CELSR2: variants seen among roughly 807,000 people sequenced by gnomAD.
CELSR2 encodes EGF-like protein 2.
CELSR2 carries 81 observed loss-of-function variants against 251.6 expected under a neutral mutation model. The ratio of observed to expected loss-of-function variants is 0.32; its 90% CI spans 0.27 to 0.39. CELSR2 has a LOEUF of 0.39. Among genes scored for constraint, CELSR2 ranks in the 10% least tolerant of loss-of-function variants. The pLI is 1.00. For synonymous variants in CELSR2, 1,721 were observed against 1,670.5 expected, an observed-to-expected ratio of 1.03 and a Z score of -0.74; for missense variants, 3,365 against 3,947.7, an observed-to-expected ratio of 0.85 and a Z score of 3.96.
At chr1:109,259,198 A>T in intron 2 of CELSR2, 119 bp downstream of exon 2, 1 of 909,160 alleles carries the variant, frequency 1.1e-6, no homozygotes, top group Non-Finnish European at 1.6e-6. Flanking sequence ...GTGCAGCTAC[A>T]CTGAGAGGTC....
chr1:109,267,908 GC>G lies in CELSR2; in HGVS notation c.6169del (p.Leu2057CysfsTer70). On this transcript the variant is annotated frameshift_variant, in exon 17 of 34. Coordinates refer to ENST00000271332, the MANE Select transcript of CELSR2 (RefSeq NM_001408.3). LOFTEE classifies it high-confidence loss of function. ...AGACTCAGGGCGCTCCCAGCAGCTA[GC>G]CCTGCTCCTGCGCAACGCCACGCAG... The part of the protein sequence containing the change: ...GLDSGRSQQL[A>X]LLLRNATQHT... The G allele has an allele frequency of 6.2e-7, 1 of 1,611,058 alleles. No individual in the cohort carries two copies. The highest frequency in any genetic ancestry group is 8.5e-7 in the Non-Finnish European group (1 of 1,179,606).
At chr1:109,270,695 C>A in intron 24 of CELSR2, 95 bp downstream of exon 24, 1 of 1,460,078 alleles carries the variant, frequency 6.8e-7, no homozygotes. Context: ...TGAGGCCCCA[C>A]ATCCCCATGC....
intron 2 of CELSR2, 94 bp downstream of exon 2, chr1:109,259,173 C>A (rs1274963474): frequency 5.3e-6 from 6 of 1,139,862 alleles, no homozygotes; most frequent in Non-Finnish European, 7.3e-6. Context: ...CTGCCTCATT[C>A]TCTTCCCGAG....
At position 109,271,700 on chromosome 1, in the gene CELSR2, C is replaced by T; in HGVS notation, c.7904C>T (p.Thr2635Ile). The change falls in exon 28 of 34, where the codon ACC becomes ATC. Residue 2635 changes from threonine to isoleucine, a missense_variant. Physicochemically the swap from Thr to Ile is moderately conservative, Grantham distance 89 (BLOSUM62 -1). Transcript: ENST00000271332. Reference sequence around the variant, plus strand: ...AAGCCCAGCCCTGACCCTGCTCTGACCACCAAGTCCACCCTGACCTCGGTG... The same window carrying T: ...AAGCCCAGCCCTGACCCTGCTCTGATCACCAAGTCCACCCTGACCTCGGTG... Reference protein sequence around the residue: ...SRKPSPDPALTTKSTLTSSYN... With the variant: ...SRKPSPDPALITKSTLTSSYN... The T allele has an allele frequency of 1.2e-6, 2 of 1,613,970 alleles. No individual in the cohort carries two copies. The highest frequency in any genetic ancestry group is 1.7e-6 in the Non-Finnish European group (2 of 1,180,030).
At position 109,252,911 on chromosome 1, in the gene CELSR2, A is replaced by G; in HGVS notation, c.2832A>G (p.Thr944=). The G allele has an allele frequency of 6.2e-7, 1 of 1,612,688 alleles. No individual in the cohort carries two copies. The highest frequency in any genetic ancestry group is 8.5e-7 in the Non-Finnish European group (1 of 1,179,214). The change falls in exon 1 of 34, where the codon ACA becomes ACG. Residue 944 remains threonine, a synonymous_variant. Transcript: ENST00000271332. This position sits in a 1 kb window ranked among gnomAD's most constrained non-coding sequence, Gnocchi z 4.8. ...SPIGLAVARV[T]ATDPDEGTNA... ...TTGGGCTAGCCGTGGCCCGGGTCAC[A>G]GCCACTGACCCCGATGAAGGCACCA...
chr1:109,271,312 G>A lies in CELSR2; in HGVS notation c.7676+16G>A, dbSNP rs1430254670. ...AAGGTCCTGTGTGAGTATAGGGTTGGGGTGCCTGGGCCATGGGCAGGCACC... is the reference window on the plus strand; with the variant it reads ...AAGGTCCTGTGTGAGTATAGGGTTGAGGTGCCTGGGCCATGGGCAGGCACC... On this transcript the variant is annotated intron_variant, in intron 26 of 33. Coordinates refer to ENST00000271332, the MANE Select transcript of CELSR2 (RefSeq NM_001408.3). 3 of 1,613,718 alleles carry A rather than the reference G, an allele frequency of 1.9e-6. No individual in the cohort carries two copies. The highest frequency in any genetic ancestry group is 2.5e-6 in the Non-Finnish European group (3 of 1,179,978).
Position 109,273,234 on chromosome 1 carries a change from G to T in CELSR2, c.8407G>T (p.Gly2803Cys), listed in dbSNP as rs753139273. The change falls in exon 32 of 34, where the codon GGC becomes TGC. Residue 2803 changes from glycine (G) to cysteine (C), a missense_variant. By Grantham distance (159) the Gly-to-Cys change is radical. This residue lies in a region of CELSR2 where 2,093 missense variants were observed against 2,382.8 expected (regional missense o/e 0.88). Transcript: ENST00000271332. The part of the protein sequence containing the change: ...DFGTTAKESS[G>C]NGAPEERLRE... ...TGGGACCACAGCAAAAGAGAGTAGT[G>T]GCAACGGGGCCCCTGAGGAGCGGCT... The T allele has an allele frequency of 6.8e-6, 11 of 1,613,308 alleles. No homozygotes were observed. Among genetic ancestry groups the T allele is most frequent in the Middle Eastern group, 1.6e-4 (1 of 6,084 alleles).
chr1:109,250,227 G>C lies in CELSR2; in HGVS notation c.148G>C (p.Ala50Pro). 6.2e-7 allele frequency: 1 copy of C among 1,604,316 alleles called. No individual in the cohort carries two copies. The highest frequency in any genetic ancestry group is 8.5e-7 in the Non-Finnish European group (1 of 1,175,850). The change falls in exon 1 of 34, where the codon GCC (alanine) becomes CCC (proline). Residue 50 changes from alanine (A) to proline (P), a missense_variant. Ala to Pro is a conservative substitution (Grantham distance 27, BLOSUM62 -1). Transcript: ENST00000271332. The surrounding 1 kb of genome is among the most constrained non-coding windows in gnomAD (Gnocchi z 4.4). ...LGSRGRGSSG[A>P]CAPMGWLCPS... ...GTCCAGGGGACGAGGCTCTTCGGGG[G>C]CCTGCGCCCCCATGGGCTGGCTCTG...
In CELSR2 at chr1:109,262,278, T is replaced by C; in HGVS notation, c.4387-9T>C. On this transcript the variant is annotated splice_polypyrimidine_tract_variant and intron_variant, in intron 5 of 33. Transcript: ENST00000271332. The stretch of plus-strand genomic sequence containing the variant: ...AGTGTCCCCCTTCTCTGCTCTTTCC[T>C]GTCCACAGCCACTGTTGGGTCAGAC... 6.2e-7 allele frequency: 1 copy of C among 1,613,328 alleles called. No individual in the cohort carries two copies.
chr1:109,269,989 G>A lies in CELSR2; in HGVS notation c.7164G>A (p.Leu2388=). The stretch of plus-strand genomic sequence containing the variant: ...CATACGTGGCTCTAGGTGTCACCTT[G>A]GCTGCCCTTCTGCTCACCTTCTTCT... The part of the protein sequence containing the change: ...TLTYVALGVT[L]AALLLTFFFL... Residue 2388 remains leucine, a synonymous_variant, in exon 23 of 34, where the codon TTG becomes TTA. Coordinates refer to ENST00000271332, the MANE Select transcript of CELSR2 (RefSeq NM_001408.3). This position sits in a 1 kb window ranked among gnomAD's most constrained non-coding sequence, Gnocchi z 6.4. The A allele has an allele frequency of 6.2e-7, 1 of 1,614,088 alleles. No individual in the cohort carries two copies.
At chr1:109,266,559 A>ATTTTTTTTTTTTTTTTTTT (rs35994599) in intron 15 of CELSR2, 10 of 83,670 alleles carry the variant, frequency 1.2e-4, no homozygotes, top group African/African-American at 3.4e-4. Flanking sequence ...CACCTGGCTA[A>ATTTTTTTTTTTTTTTTTTT]TTTTTTTTTT....
rs748528905 is a variant in CELSR2 at position 109,262,845 on chromosome 1, G to A, written c.4584G>A (p.Val1528=). 6.8e-6 allele frequency: 11 copies of A among 1,613,672 alleles called. No homozygotes were observed. In the Admixed American group the frequency reaches 1.7e-4, roughly 24 times the overall value. The change falls in exon 7 of 34, where the codon GTG becomes GTA. Residue 1528 remains valine, a synonymous_variant. Transcript: ENST00000271332. ...CGGGGCCCCTGCTACTAGGCGGGGT[G>A]CCTGACCTGCCCGAGAGCTTCCCAG... ...DLTGPLLLGG[V]PDLPESFPVR... is the part of the protein sequence containing the mutation.
intron 24 of CELSR2, 59 bp from the exon 25 acceptor site, chr1:109,270,868 C>A: frequency 7.8e-7 from 1 of 1,282,548 alleles, no homozygotes; most frequent in Non-Finnish European, 1.1e-6. Context: ...CTGCCCGCAG[C>A]CCTACTTCCC....
rs139990194 is a variant in CELSR2, at chr1:109,251,595, G to A, written c.1516G>A (p.Val506Ile). ...TATCAACGACAATGCCCCCATCTTC[G>A]TCAGCACCCCTTTCCAGGCTACTGT... ...LDINDNAPIFVSTPFQATVLE... is the reference protein window; with the variant it reads ...LDINDNAPIFISTPFQATVLE... The change falls in exon 1 of 34, where the codon GTC becomes ATC. Residue 506 changes from valine (V) to isoleucine (I), a missense_variant. Val to Ile is a conservative substitution (Grantham distance 29). This residue lies in a region of CELSR2 where 704 missense variants were observed against 784.1 expected (regional missense o/e 0.90). Coordinates refer to ENST00000271332, the MANE Select transcript of CELSR2 (RefSeq NM_001408.3). This position sits in a 1 kb window ranked among gnomAD's most constrained non-coding sequence, Gnocchi z 4.9. 60 of 1,613,662 alleles carry A rather than the reference G, an allele frequency of 3.7e-5. 1 individual carries two copies. The highest frequency in any genetic ancestry group is 6.7e-5 in the Admixed American group (4 of 59,992).
intron 9 of CELSR2, 80 bp downstream of exon 9, chr1:109,263,857 G>A (rs951366804): frequency 3.9e-6 from 6 of 1,529,930 alleles, no homozygotes; most frequent in African/African-American, 1.4e-5. Flanking sequence ...GAAGTGGCTG[G>A]GCAGGTCCTG....
Position 109,253,347 on chromosome 1 carries a change from A to C in CELSR2, c.3268A>C (p.Asn1090His). The C allele has an allele frequency of 6.2e-7, 1 of 1,613,304 alleles. No homozygotes were observed. The highest frequency in any genetic ancestry group is 8.5e-7 in the Non-Finnish European group (1 of 1,180,018). The change falls in exon 1 of 34, where the codon AAC (asparagine) becomes CAC (histidine). Residue 1090 changes from asparagine (N) to histidine (H), a missense_variant. Physicochemically the swap from Asn to His is moderately conservative, Grantham distance 68. Around this residue, in one of 5 missense-constraint regions of CELSR2, gnomAD observed 505 missense variants for 660.0 expected, o/e 0.77. Transcript: ENST00000271332. ...GELKLSRALD[N>H]NRPLEAIMSV... is the part of the protein sequence containing the mutation. ...GCTGAAGCTAAGCCGCGCACTGGAC[A>C]ACAACCGGCCTCTGGAGGCCATCAT... is the stretch of plus-strand genomic sequence containing the variant.
In CELSR2 at chr1:109,251,533, C is replaced by CT; in HGVS notation, c.1455dup (p.Asn486Ter). 6.2e-7 allele frequency: 1 copy of CT among 1,613,738 alleles called. No homozygotes were observed. The highest frequency in any genetic ancestry group is 8.5e-7 in the Non-Finnish European group (1 of 1,180,024). ...CAGGATGGTGGCCGTCCCCCACTCT[C>CT]TAATGTCTCTGGCTTGGTGACAGTA... is the stretch of plus-strand genomic sequence containing the variant. On this transcript the variant is annotated frameshift_variant, in exon 1 of 34. Transcript: ENST00000271332. LOFTEE classifies it high-confidence loss of function. This position sits in a 1 kb window ranked among gnomAD's most constrained non-coding sequence, Gnocchi z 4.9.
At chr1:109,259,157 T>C in intron 2 of CELSR2, 78 bp downstream of exon 2, 1 of 1,269,962 alleles carries the variant, frequency 7.9e-7, no homozygotes, top group South Asian at 1.5e-5. Context: ...GGACAAATGC[T>C]GGCGGCTGCC....
At position 109,271,369 on chromosome 1, in the gene CELSR2, C is replaced by T; in HGVS notation, c.7677-17C>T. On this transcript the variant is annotated splice_polypyrimidine_tract_variant and intron_variant, in intron 26 of 33. Coordinates refer to ENST00000271332, the MANE Select transcript of CELSR2 (RefSeq NM_001408.3). ...GGAGGTCTCATGGCCGGACTCATGG[C>T]CTGTCCCTATCCCCAGCTCGGGCCT... 6.2e-7 allele frequency: 1 copy of T among 1,613,200 alleles called. No homozygotes were observed. The highest frequency in any genetic ancestry group is 8.5e-7 in the Non-Finnish European group (1 of 1,179,850).
Sources: allele counts gnomAD v4.1 joint callset, GRCh38; gene constraint gnomAD v4.1.1; regional missense constraint gnomAD v4.1.1; non-coding constraint Gnocchi (gnomAD v3.1); transcripts MANE v1.5; gene names NCBI Gene and HGNC (gene_info 2026-07-23, HGNC 2026-07-21).